BRD10: variants seen among roughly 807,000 people sequenced by gnomAD.
The protein encoded by BRD10 is bromodomain containing 10, also known as uncharacterized bromodomain-containing protein 10.
the BRD10 span, chr9:5,922,346 G>A: frequency 6.2e-7 from 1 of 1,613,970 alleles, no homozygotes; most frequent in Non-Finnish European, 8.5e-7. Context: ...GAATGTGGCT[G>A]CTGAAACTGC....
the BRD10 span, among the ~76,000 whole-genome samples, chr9:5,944,013 G>A: frequency 2.0e-5 from 3 of 151,984 alleles, no homozygotes; most frequent in African/African-American, 4.8e-5. Flanking sequence ...CAAATCTGCC[G>A]ATATCAAACT....
At chr9:5,879,223 G>C in the BRD10 span, among the ~76,000 whole-genome samples, 2 of 152,134 alleles carry the variant, frequency 1.3e-5, no homozygotes, top group East Asian at 3.9e-4. Flanking sequence ...AGCACTTTAG[G>C]AGGCTGAGGT....
At chr9:5,915,015 C>A in the BRD10 span, among the ~76,000 whole-genome samples, 3 of 151,964 alleles carry the variant, frequency 2.0e-5, no homozygotes, top group Admixed American at 2.0e-4. Flanking sequence ...CAACAATAAC[C>A]CCCAACTAAA....
the BRD10 span, among the ~76,000 whole-genome samples, chr9:5,947,809 C>A: frequency 2.6e-4 from 40 of 152,068 alleles, no homozygotes; most frequent in East Asian, 7.3e-3. Context: ...CAGAATCAAC[C>A]CAATAAATAA....
chr9:5,953,681 A>ATT, the BRD10 span, among the ~76,000 whole-genome samples: 3 of 151,470 alleles, frequency 2.0e-5, no homozygotes, highest in African/African-American at 2.4e-5. Context: ...GCTTTTATGT[A>ATT]TTATATATAT....
At chr9:5,889,415 T>C in the BRD10 span, among the ~76,000 whole-genome samples, 1 of 152,244 alleles carries the variant, frequency 6.6e-6, no homozygotes, top group Non-Finnish European at 1.5e-5. Flanking sequence ...CATGAATGTG[T>C]ATGCTACAGG....
the BRD10 span, among the ~76,000 whole-genome samples, chr9:5,988,737 C>T: frequency 6.6e-6 from 1 of 151,812 alleles, no homozygotes; most frequent in African/African-American, 2.4e-5. Context: ...ATCAGAGTGA[C>T]AGTCTCTTCC....
chr9:5,941,230 CAA>C, the BRD10 span, among the ~76,000 whole-genome samples: 1 of 152,124 alleles, frequency 6.6e-6, no homozygotes, highest in Non-Finnish European at 1.5e-5. Flanking sequence ...GTAAAGTTAT[CAA>C]TATCTTAGCT....
the BRD10 span, among the ~76,000 whole-genome samples, chr9:5,970,164 A>G: frequency 1.3e-5 from 2 of 152,366 alleles, no homozygotes; most frequent in Non-Finnish European, 2.9e-5. Flanking sequence ...GCAAAAAGTT[A>G]TGTACTTACC....
At chr9:5,890,125 G>T in the BRD10 span, among the ~76,000 whole-genome samples, 3 of 152,182 alleles carry the variant, frequency 2.0e-5, no homozygotes, top group Non-Finnish European at 2.9e-5. Flanking sequence ...AGGGAATAGG[G>T]AACCCAGTTT....
the BRD10 span, among the ~76,000 whole-genome samples, chr9:5,905,557 T>C: frequency 2.0e-5 from 3 of 152,230 alleles, no homozygotes; most frequent in Non-Finnish European, 4.4e-5. Context: ...AAACTGACTC[T>C]GGTATAGCAT....
chr9:5,917,358 G>C, the BRD10 span, among the ~76,000 whole-genome samples: 2 of 152,134 alleles, frequency 1.3e-5, no homozygotes, highest in Admixed American at 1.3e-4. Flanking sequence ...GAATTTTCTA[G>C]AAACTAAAAG....
chr9:5,933,619 C>T, the BRD10 span: 1 of 355,752 alleles, frequency 2.8e-6, no homozygotes, highest in Non-Finnish European at 5.7e-6. Flanking sequence ...TTTTATAAGT[C>T]TTTGAATGTA....
chr9:5,962,146 T>A, the BRD10 span, among the ~76,000 whole-genome samples: 1 of 152,182 alleles, frequency 6.6e-6, no homozygotes, highest in Admixed American at 6.5e-5. Flanking sequence ...ACACACTGCT[T>A]TGATAGACCG....
chr9:5,965,277 G>A, the BRD10 span, among the ~76,000 whole-genome samples: 2 of 151,466 alleles, frequency 1.3e-5, no homozygotes, highest in Non-Finnish European at 2.9e-5. Flanking sequence ...ACAGGTTATC[G>A]GTAATCATTA....
the BRD10 span, among the ~76,000 whole-genome samples, chr9:5,959,342 T>C: frequency 6.6e-6 from 1 of 152,200 alleles, no homozygotes; most frequent in Non-Finnish European, 1.5e-5. Context: ...TTACTAGCTC[T>C]AGCTGTGTGA....
chr9:5,907,611 G>C, the BRD10 span, among the ~76,000 whole-genome samples: 1,602 of 152,278 alleles, frequency 0.011, 25 homozygotes, highest in African/African-American at 0.03. Flanking sequence ...AATATTTTAA[G>C]ATTAATTTTA....
the BRD10 span, among the ~76,000 whole-genome samples, chr9:6,000,026 AT>A: frequency 6.6e-6 from 1 of 152,148 alleles, no homozygotes; most frequent in Non-Finnish European, 1.5e-5. Context: ...AATAAAATAC[AT>A]TTTTAATATA....
At chr9:5,980,619 T>C in the BRD10 span, among the ~76,000 whole-genome samples, 5 of 151,878 alleles carry the variant, frequency 3.3e-5, no homozygotes, top group Admixed American at 3.3e-4. Flanking sequence ...TTGTAAAAAA[T>C]TTCTGTAGAC....
Sources: gnomAD v4.1 joint callset for allele counts (sites outside exome capture counted in the v4.1 genomes callset) on GRCh38, gnomAD v4.1.1 for gene constraint, MANE v1.5 for transcripts, NCBI Gene and HGNC (gene_info 2026-07-23, HGNC 2026-07-21) for gene names.